CABP5: variants seen among roughly 807,000 people sequenced by gnomAD.
CABP5 encodes calcium binding protein 5.
In CABP5, 17 loss-of-function variants were observed where a neutral mutation model predicts 21.9. That is an observed-to-expected ratio of 0.78 (90% confidence interval 0.53 to 1.17). The LOEUF (loss-of-function observed/expected upper bound fraction) is 1.17, where lower values mean the gene tolerates loss of function less well. CABP5 is among the 50% of genes most tolerant of loss of function. The pLI is 0.00. For synonymous variants in CABP5, 85 were observed against 79.4 expected, an observed-to-expected ratio of 1.07 and a Z score of -0.37; for missense variants, 229 against 228.9, an observed-to-expected ratio of 1.00 and a Z score of 0.00.
chr19:48,036,974 C>T (rs1188918486), intron 4 of CABP5, among the ~76,000 whole-genome samples: 3 of 152,130 alleles, frequency 2.0e-5, no homozygotes, highest in Non-Finnish European at 4.4e-5. Flanking sequence ...TAAAAGGGAA[C>T]CCTGGTACAC....
In CABP5 at chr19:48,042,483, C is replaced by T. The variant is rs1967493306; in HGVS notation, c.64-880G>A. ...ACTGACCTCTGGTCTCTTTAGCCTT[C>T]CCATCTCCCTTTATCCCTGGAGCCT... is the stretch of plus-strand genomic sequence containing the variant. On this transcript the variant is annotated intron_variant, in intron 1 of 5. Transcript: ENST00000293255. Among the ~76,000 whole-genome samples the T allele has an allele frequency of 3.9e-5, 6 of 152,268 alleles. No homozygotes were observed. In the South Asian group the frequency reaches 8.3e-4, roughly 21 times the overall value.
chr19:48,040,873 CA>C, intron 2 of CABP5, 125 bp from the exon 3 acceptor site: 1 of 761,740 alleles, frequency 1.3e-6, no homozygotes, highest in South Asian at 2.4e-5. Flanking sequence ...AGAAACAAAA[CA>C]AAACAAAACA....
chr19:48,035,488 T>C (rs977210435), intron 4 of CABP5, among the ~76,000 whole-genome samples: 5 of 152,198 alleles, frequency 3.3e-5, no homozygotes, highest in Non-Finnish European at 7.3e-5. Context: ...TCCCGGCTAC[T>C]CGAGAGGCTG....
intron 5 of CABP5, among the ~76,000 whole-genome samples, chr19:48,033,468 A>C (rs10418719): frequency 0.44 from 66,356 of 152,012 alleles, 15,371 homozygotes; most frequent in East Asian, 0.76. Context: ...TCTCAGAAGG[A>C]AATAGGCAAT....
intron 5 of CABP5, among the ~76,000 whole-genome samples, chr19:48,031,209 G>A (rs1452881773): frequency 6.6e-6 from 1 of 152,044 alleles, no homozygotes; most frequent in Non-Finnish European, 1.5e-5. Flanking sequence ...GACCATTAAT[G>A]GCATAATGCT....
intron 3 of CABP5, among the ~76,000 whole-genome samples, chr19:48,040,020 C>A (rs943947665): frequency 1.3e-4 from 20 of 151,988 alleles, no homozygotes; most frequent in Admixed American, 4.6e-4. Flanking sequence ...CTGCGCCCAG[C>A]CTCAATAGGA....
rs1439251345 is a variant in CABP5, at chr19:48,029,820, G to C, written c.*737C>G. 1 of 151,526 alleles carries C rather than the reference G, an allele frequency of 6.6e-6. No individual in the cohort carries two copies. The highest frequency in any genetic ancestry group is 1.5e-5 in the Non-Finnish European group (1 of 67,948). The allele number at this position is 151,526 out of a possible 1,614,324, so 9.4% of individuals were successfully genotyped here. On this transcript the variant is annotated 3_prime_UTR_variant, in exon 6 of 6. Coordinates refer to ENST00000293255, the MANE Select transcript of CABP5 (RefSeq NM_019855.5). ...AGACAGAGAGAGAGAGAGAGAGAGA[G>C]AGAGAGAGAGAGAGAGAAACCAGAC...
chr19:48,038,555 G>A (rs1202706578), intron 4 of CABP5, among the ~76,000 whole-genome samples: 1 of 152,062 alleles, frequency 6.6e-6, no homozygotes, highest in Non-Finnish European at 1.5e-5. Flanking sequence ...GGCCAGGCAC[G>A]GTGGCTCATG....
chr19:48,040,876 A>C, intron 2 of CABP5, 128 bp from the exon 3 acceptor site: 2 of 922,212 alleles, frequency 2.2e-6, no homozygotes, highest in Non-Finnish European at 1.6e-6. Flanking sequence ...AACAAAACAA[A>C]ACAAAACAAA....
intron 2 of CABP5, 85 bp downstream of exon 2, chr19:48,041,488 A>T (rs1386169432): frequency 3.1e-6 from 4 of 1,291,418 alleles, no homozygotes; most frequent in Non-Finnish European, 4.4e-6. Flanking sequence ...ATGTAATGGA[A>T]TTTATACGGA....
chr19:48,036,141 TA>T (rs1967405998), intron 4 of CABP5, among the ~76,000 whole-genome samples: 1 of 152,052 alleles, frequency 6.6e-6, no homozygotes, highest in Non-Finnish European at 1.5e-5. Flanking sequence ...GTAGACTAGT[TA>T]AGGGTGTGCA....
chr19:48,039,383 G>T, intron 3 of CABP5, 66 bp from the exon 4 acceptor site: 1 of 1,257,054 alleles, frequency 8.0e-7, no homozygotes, highest in Non-Finnish European at 1.2e-6. Context: ...CTCACTTTGT[G>T]CTTCGAGTCA....
At chr19:48,038,714 T>G (rs1600126201) in intron 4 of CABP5, among the ~76,000 whole-genome samples, 2 of 151,850 alleles carry the variant, frequency 1.3e-5, no homozygotes, top group African/African-American at 4.8e-5. Context: ...GTAATCCCAG[T>G]TACTTAGGAG....
At position 48,036,931 on chromosome 19, in the gene CABP5, A is replaced by G. The variant is rs189167621; in HGVS notation, c.348+2277T>C. On this transcript the variant is annotated intron_variant, in intron 4 of 5. Coordinates refer to ENST00000293255, the MANE Select transcript of CABP5 (RefSeq NM_019855.5). ...TGTTAGGATGGCTACTGTTAAAAAG[A>G]TGAATAATAACAAGTGTTGGTGAGG... 1.1e-3 allele frequency among the ~76,000 whole-genome samples: 170 copies of G among 152,350 alleles called. 1 individual carries two copies. Among genetic ancestry groups the G allele is most frequent in the African/African-American group, 3.9e-3 (163 of 41,598 alleles).
intron 1 of CABP5, 53 bp from the exon 2 acceptor site, chr19:48,041,656 C>T: frequency 6.5e-7 from 1 of 1,547,106 alleles, no homozygotes; most frequent in Non-Finnish European, 8.8e-7. Flanking sequence ...ACCCATTCTC[C>T]AAAGGGTCTC....
chr19:48,030,888 G>A (rs1228810436), intron 5 of CABP5, among the ~76,000 whole-genome samples: 2 of 150,908 alleles, frequency 1.3e-5, no homozygotes, highest in African/African-American at 2.5e-5. Context: ...AGAACTTTGG[G>A]AGGCCGAGGT....
rs1368384265 is a variant in CABP5, at chr19:48,039,354, A to G, written c.239-37T>C. 8 of 1,524,096 alleles carry G rather than the reference A, an allele frequency of 5.2e-6. No homozygotes were observed. In the African/African-American group the frequency reaches 1.1e-4, roughly 21 times the overall value. The allele number at this position is 1,524,096 out of a possible 1,614,324, so 94.4% of individuals were successfully genotyped here. A position where few individuals can be genotyped will look rare whatever the true frequency, so the allele number is the denominator to read the frequency against. ...GGCACAGGATTAGCGAGACCCCACA[A>G]GCCCTGGCCTTCCATTACCTCACTT... On this transcript the variant is annotated intron_variant, in intron 3 of 5. Coordinates refer to ENST00000293255, the MANE Select transcript of CABP5 (RefSeq NM_019855.5).
chr19:48,030,023 T>C lies in CABP5; in HGVS notation c.*534A>G, dbSNP rs1050209959. 6.6e-6 allele frequency: 1 copy of C among 152,572 alleles called. No individual in the cohort carries two copies. The highest frequency in any genetic ancestry group is 2.4e-5 in the African/African-American group (1 of 41,456). 9.5% of individuals were successfully genotyped at this position (152,572 alleles called of 1,614,324 possible). On this transcript the variant is annotated 3_prime_UTR_variant, in exon 6 of 6. Coordinates refer to ENST00000293255, the MANE Select transcript of CABP5 (RefSeq NM_019855.5). ...GGAGTACAAGTGCGGTTTTGTTACA[T>C]GGATATATTGCGTAGTGGTGAAGTC...
intron 2 of CABP5, 41 bp downstream of exon 2, chr19:48,041,532 G>C (rs1362323007): frequency 6.2e-7 from 1 of 1,606,792 alleles, no homozygotes. Context: ...GGTCAGGTGG[G>C]TGGATGGCAA....
Sources: allele counts gnomAD v4.1 joint callset (sites outside exome capture counted in the v4.1 genomes callset), GRCh38; gene constraint gnomAD v4.1.1; transcripts MANE v1.5; gene names NCBI Gene and HGNC (gene_info 2026-07-23, HGNC 2026-07-21).